The following ADTRP variants were observed in gnomAD, a reference collection of about 807,000 sequenced individuals.
The protein encoded by ADTRP is androgen-dependent TFPI-regulating protein.
In ADTRP, 20 loss-of-function variants were observed where a neutral mutation model predicts 27.0. The ratio of observed to expected loss-of-function variants is 0.74; its 90% confidence interval spans 0.52 to 1.08. The LOEUF is 1.08. Ranked by LOEUF, ADTRP falls within the 50% of genes least tolerant of loss-of-function variation. The probability of loss-of-function intolerance (pLI) is 0.00; values close to 1 mark genes in which losing one functional copy is unlikely to be tolerated. For synonymous variants in ADTRP, 101 were observed against 105.2 expected (o/e 0.96, Z 0.25); for missense variants, 251 against 275.0 (o/e 0.91, Z 0.62).
rs986807609 is a variant in ADTRP, at chr6:11,713,639, T to C, written c.*839A>G. The C allele has an allele frequency of 6.6e-6, 1 of 152,252 alleles. No homozygotes were observed. The highest frequency in any genetic ancestry group is 1.5e-5 in the Non-Finnish European group (1 of 68,054). The allele number at this position is 152,252 out of a possible 1,614,324, so 9.4% of individuals were successfully genotyped here. ...AATCTCAACAGCCCTTATAATTCTA[T>C]CACTTCCCATCCAGATTCTTCTGCA... On this transcript the variant is annotated 3_prime_UTR_variant, in exon 6 of 6. Coordinates refer to ENST00000414691, the MANE Select transcript of ADTRP (RefSeq NM_032744.4).
chr6:11,719,724 C>A (rs1345569310), intron 5 of ADTRP, among the ~76,000 whole-genome samples: 2 of 152,168 alleles, frequency 1.3e-5, no homozygotes, highest in Non-Finnish European at 2.9e-5. Context: ...TTCTAGCCTC[C>A]AATAGCCTGA....
Position 11,768,408 on chromosome 6 carries a change from G to A in ADTRP, c.154-25C>T, listed in dbSNP as rs764667980. On this transcript the variant is annotated intron_variant, in intron 1 of 5. Coordinates refer to ENST00000414691, the MANE Select transcript of ADTRP (RefSeq NM_032744.4). ...GCTAAATCCATTACAACAAATGAGGGCATTTTCATTTACTTTAATTAATAC... is the reference window on the plus strand; with the variant it reads ...GCTAAATCCATTACAACAAATGAGGACATTTTCATTTACTTTAATTAATAC... 10 of 1,612,324 alleles carry A rather than the reference G, an allele frequency of 6.2e-6. No homozygotes were observed. In the East Asian group the frequency reaches 2.0e-4, roughly 32 times the overall value.
At chr6:11,745,840 G>C (rs1263016471) in intron 3 of ADTRP, among the ~76,000 whole-genome samples, 1 of 151,980 alleles carries the variant, frequency 6.6e-6, no homozygotes, top group Non-Finnish European at 1.5e-5. Context: ...ACCCAGGCTG[G>C]AGCGCAGTGA....
At chr6:11,760,542 G>A (rs189077591) in intron 3 of ADTRP, among the ~76,000 whole-genome samples, 1 of 152,204 alleles carries the variant, frequency 6.6e-6, no homozygotes, top group Non-Finnish European at 1.5e-5. Flanking sequence ...CCAAGACTTA[G>A]TCTCCTGGAA....
chr6:11,739,122 C>A (rs1317108581), intron 3 of ADTRP, among the ~76,000 whole-genome samples: 1 of 152,002 alleles, frequency 6.6e-6, no homozygotes, highest in Non-Finnish European at 1.5e-5. Flanking sequence ...AATTAGGCTG[C>A]GATTGACACA....
intron 5 of ADTRP, among the ~76,000 whole-genome samples, chr6:11,722,901 G>T (rs1333822049): frequency 1.3e-5 from 2 of 152,288 alleles, no homozygotes; most frequent in East Asian, 3.9e-4. Flanking sequence ...GCTGAGTTGG[G>T]AGGAGGTGGG....
rs754669183 is a variant in ADTRP, at chr6:11,766,305, G to A, written c.359C>T (p.Thr120Ile). ...ATGATTCAGCCACACGGGGATGACA[G>A]TATCTAGGACCTTGGGGTAAATGAG... ...RDLIYPKVLDTVIPVWLNHAM... is the reference protein window; with the variant it reads ...RDLIYPKVLDIVIPVWLNHAM... Residue 120 changes from threonine (T) to isoleucine (I), a missense_variant, in exon 3 of 6, where the codon ACT becomes ATT. Coordinates refer to ENST00000414691, the MANE Select transcript of ADTRP (RefSeq NM_032744.4). 1 of 1,612,492 alleles carries A rather than the reference G, an allele frequency of 6.2e-7. No homozygotes were observed. Among genetic ancestry groups the A allele is most frequent in the Non-Finnish European group, 8.5e-7 (1 of 1,179,170 alleles).
chr6:11,737,670 G>T (rs939923307), intron 3 of ADTRP, among the ~76,000 whole-genome samples: 7 of 152,172 alleles, frequency 4.6e-5, no homozygotes, highest in African/African-American at 1.7e-4. Context: ...ACCTCTCAGG[G>T]TGCCCCAGTT....
At chr6:11,738,158 T>C (rs1762605992) in intron 3 of ADTRP, among the ~76,000 whole-genome samples, 1 of 152,230 alleles carries the variant, frequency 6.6e-6, no homozygotes, top group Non-Finnish European at 1.5e-5. Flanking sequence ...TCAGTGTGAC[T>C]GTTGTCTTTC....
chr6:11,728,409 G>A (rs1296043131), intron 4 of ADTRP: 2 of 152,542 alleles, frequency 1.3e-5, no homozygotes, highest in African/African-American at 2.4e-5. Flanking sequence ...TGAACTGAGC[G>A]CTGCAGTTTC....
At position 11,714,526 on chromosome 6, in the gene ADTRP, A is replaced by G; in HGVS notation, c.659-14T>C. 1 of 1,611,644 alleles carries G rather than the reference A, an allele frequency of 6.2e-7. No homozygotes were observed. ...GCCTCATGTCACCTGTACAAACAAG[A>G]ACAGAGACAGACCTCAGGCTTCAGG... On this transcript the variant is annotated splice_polypyrimidine_tract_variant and intron_variant, in intron 5 of 5. Transcript: ENST00000414691.
At chr6:11,758,269 T>C (rs951824790) in intron 3 of ADTRP, among the ~76,000 whole-genome samples, 1 of 152,192 alleles carries the variant, frequency 6.6e-6, no homozygotes, top group Non-Finnish European at 1.5e-5. Context: ...TGGTGCCCAC[T>C]CTGTGCCCAG....
chr6:11,734,621 T>C (rs1170403140), intron 4 of ADTRP, among the ~76,000 whole-genome samples: 1 of 152,170 alleles, frequency 6.6e-6, no homozygotes, highest in Admixed American at 6.5e-5. Context: ...AGATGAGGTC[T>C]GGGCACCAAG....
At position 11,723,376 on chromosome 6, in the gene ADTRP, C is replaced by T; in HGVS notation, c.631G>A (p.Gly211Arg). ...CATTTCCAGTGGTTGAGCTTCTCTC[C>T]AAGTAGGTAGATGCTGGCGATGAAG... ...YVFIASIYLL[G>R]EKLNHWKWGD... Residue 211 changes from glycine to arginine, a missense_variant, in exon 5 of 6, where the codon GGA becomes AGA. By Grantham distance (125) the Gly-to-Arg change is moderately radical. Coordinates refer to ENST00000414691, the MANE Select transcript of ADTRP (RefSeq NM_032744.4). 1 of 1,614,038 alleles carries T rather than the reference C, an allele frequency of 6.2e-7. No individual in the cohort carries two copies. Among genetic ancestry groups the T allele is most frequent in the Non-Finnish European group, 8.5e-7 (1 of 1,180,014 alleles).
At chr6:11,753,282 C>A (rs1763112521) in intron 3 of ADTRP, among the ~76,000 whole-genome samples, 2 of 152,154 alleles carry the variant, frequency 1.3e-5, no homozygotes, top group African/African-American at 4.8e-5. Flanking sequence ...CCCAAGTAGA[C>A]ATTTTAAAAA....
chr6:11,729,842 C>T lies in ADTRP; in HGVS notation c.506+5726G>A, dbSNP rs530448983. Among the ~76,000 whole-genome samples, 4 of 152,314 alleles carry T rather than the reference C, an allele frequency of 2.6e-5. No homozygotes were observed. In the South Asian group the frequency reaches 8.3e-4, roughly 32 times the overall value. On this transcript the variant is annotated intron_variant, in intron 4 of 5. Transcript: ENST00000414691. ...ACCCAAGACGATTACTTTCACAATT[C>T]ATTTTCATCTATCAATGGAATCACC...
At chr6:11,756,681 T>A (rs761290620) in intron 3 of ADTRP, among the ~76,000 whole-genome samples, 15 of 152,140 alleles carry the variant, frequency 9.9e-5, no homozygotes, top group Non-Finnish European at 1.6e-4. Flanking sequence ...AGAAATTTAT[T>A]TTTTTTTCTG....
chr6:11,765,433 T>TA (rs1763537981), intron 3 of ADTRP, among the ~76,000 whole-genome samples: 1 of 150,166 alleles, frequency 6.7e-6, no homozygotes, highest in South Asian at 2.1e-4. Flanking sequence ...GTTCAAGCGA[T>TA]TCTCCTGCCT....
chr6:11,772,625 G>T (rs1159352069), intron 1 of ADTRP, among the ~76,000 whole-genome samples: 1 of 152,186 alleles, frequency 6.6e-6, no homozygotes, highest in Non-Finnish European at 1.5e-5. Flanking sequence ...GCCTGACTCA[G>T]CCAGGCGGGA....
Sources: gnomAD v4.1 joint callset for allele counts (sites outside exome capture counted in the v4.1 genomes callset) on GRCh38, gnomAD v4.1.1 for gene constraint, MANE v1.5 for transcripts, NCBI Gene and HGNC (gene_info 2026-07-23, HGNC 2026-07-21) for gene names.